The following HOGA1 variants were observed in gnomAD, a reference collection of about 807,000 sequenced individuals.
HOGA1 encodes 4-hydroxy-2-oxoglutarate aldolase 1.
Under a neutral mutation model 34.3 loss-of-function variants are expected in HOGA1, and 30 were observed. The ratio of observed to expected loss-of-function variants is 0.87; its 90% CI spans 0.65 to 1.19. HOGA1 has a LOEUF of 1.19. Among genes scored for constraint, HOGA1 ranks in the 50% most tolerant of loss-of-function variants. The pLI, the probability that HOGA1 is intolerant of heterozygous loss-of-function variation, is 0.00. For missense variants in HOGA1, 417 were observed against 436.5 expected, an observed-to-expected ratio of 0.96 and a Z score of 0.40; for synonymous variants, 161 against 174.0, an observed-to-expected ratio of 0.93 and a Z score of 0.59.
intron 6 of HOGA1, among the ~76,000 whole-genome samples, chr10:97,608,935 A>G (rs1030214334): frequency 6.6e-6 from 1 of 152,026 alleles, no homozygotes; most frequent in Non-Finnish European, 1.5e-5. Flanking sequence ...GGCACTCCAC[A>G]ATATTTTGTT....
intron 1 of HOGA1, chr10:97,591,038 C>T (rs564499059): frequency 1.8e-4 from 29 of 163,818 alleles, no homozygotes; most frequent in Non-Finnish European, 3.1e-4. Context: ...AAAAGGCCCC[C>T]GACCTGGGGC....
At chr10:97,590,313 G>A (rs142514598) in intron 1 of HOGA1, 32 of 1,613,670 alleles carry the variant, frequency 2.0e-5, no homozygotes, top group African/African-American at 5.3e-5. Context: ...ACCCAGGGGC[G>A]GCACCTGGCT....
intron 1 of HOGA1, among the ~76,000 whole-genome samples, chr10:97,596,227 T>C (rs1366019591): frequency 6.6e-6 from 1 of 152,184 alleles, no homozygotes; most frequent in Non-Finnish European, 1.5e-5. Context: ...GGCTGTGTCA[T>C]AGAAGCTTTG....
chr10:97,584,983 G>A (rs2040956682), intron 1 of HOGA1, 69 bp downstream of exon 1: 2 of 1,326,106 alleles, frequency 1.5e-6, no homozygotes, highest in South Asian at 1.2e-5. Context: ...ACCAAGGGAG[G>A]GTACACAGGC....
rs1250045292 is a variant in HOGA1, at chr10:97,611,998, A to G, written c.*339A>G. On this transcript the variant is annotated 3_prime_UTR_variant, in exon 7 of 7. Transcript: ENST00000370646. Reference sequence around the variant, plus strand: ...AGGAAGGGCAGAGGGGCAAGTAGGCACAGTAAGGGAATTTTCTTTTCTTTT... The same window carrying G: ...AGGAAGGGCAGAGGGGCAAGTAGGCGCAGTAAGGGAATTTTCTTTTCTTTT... 1.9e-5 allele frequency: 5 copies of G among 262,256 alleles called. No homozygotes were observed. Among genetic ancestry groups the G allele is most frequent in the Non-Finnish European group, 3.7e-5 (5 of 136,844 alleles). 16.2% of individuals were successfully genotyped at this position (262,256 alleles called of 1,614,324 possible).
At chr10:97,602,168 C>T (rs2041124470) in intron 6 of HOGA1, 178 bp downstream of exon 6, 3 of 1,548,464 alleles carry the variant, frequency 1.9e-6, no homozygotes, top group Non-Finnish European at 2.6e-6. Context: ...TGACTTCGGA[C>T]AAAGTCGAGC....
chr10:97,600,313 C>T (rs1010696394), intron 5 of HOGA1, 150 bp downstream of exon 5: 22 of 709,504 alleles, frequency 3.1e-5, no homozygotes, highest in Non-Finnish European at 4.6e-5. Flanking sequence ...AACCTGGCCA[C>T]GCCGCTTACC....
intron 1 of HOGA1, among the ~76,000 whole-genome samples, chr10:97,598,539 C>T (rs992108352): frequency 1.3e-5 from 2 of 152,058 alleles, no homozygotes; most frequent in African/African-American, 4.8e-5. Flanking sequence ...CCCAGAAGGT[C>T]GAAACTGCAG....
intron 1 of HOGA1, chr10:97,589,832 C>T: frequency 7.8e-7 from 1 of 1,287,266 alleles, no homozygotes; most frequent in Non-Finnish European, 1.1e-6. Flanking sequence ...CTTCTTGGAG[C>T]TCATCCAGCA....
chr10:97,584,765 A>G lies in HOGA1; in HGVS notation c.62A>G (p.Asn21Ser). The G allele has an allele frequency of 6.2e-7, 1 of 1,613,572 alleles. No homozygotes were observed. Among genetic ancestry groups the G allele is most frequent in the Non-Finnish European group, 8.5e-7 (1 of 1,179,746 alleles). The change falls in exon 1 of 7, where the codon AAT becomes AGT. Residue 21 changes from asparagine (N) to serine (S), a missense_variant. Physicochemically the swap from Asn to Ser is conservative, Grantham distance 46. Transcript: ENST00000370646. ...RQGLSRSLSR[N>S]VGVWASGEGK... ...GGGCTAAGCAGGAGCTTGTCCAGGAATGTGGGGGTCTGGGCCTCAGGGGAG... is the reference window on the plus strand; with the variant it reads ...GGGCTAAGCAGGAGCTTGTCCAGGAGTGTGGGGGTCTGGGCCTCAGGGGAG...
At chr10:97,597,482 T>G (rs1394660773) in intron 1 of HOGA1, among the ~76,000 whole-genome samples, 1 of 152,112 alleles carries the variant, frequency 6.6e-6, no homozygotes, top group East Asian at 1.9e-4. Flanking sequence ...CTGTAACTGG[T>G]ACAGGTATAC....
Position 97,611,572 on chromosome 10 carries a change from A to G in HOGA1, c.897A>G (p.Gly299=). ...KKIMDWFGYY[G]GPCRAPLQEL... The stretch of plus-strand genomic sequence containing the variant: ...TCATGGACTGGTTTGGCTACTATGG[A>G]GGCCCCTGCCGCGCCCCCTTGCAGG... Residue 299 remains glycine, a synonymous_variant, in exon 7 of 7, where the codon GGA becomes GGG. Transcript: ENST00000370646. The G allele has an allele frequency of 1.2e-6, 2 of 1,614,222 alleles. No individual in the cohort carries two copies. Among genetic ancestry groups the G allele is most frequent in the South Asian group, 1.1e-5 (1 of 91,084 alleles).
chr10:97,584,979 G>A, intron 1 of HOGA1, 65 bp downstream of exon 1: 1 of 1,384,890 alleles, frequency 7.2e-7, no homozygotes, highest in South Asian at 1.2e-5. Context: ...AGAGACCAAG[G>A]GAGGGTACAC....
chr10:97,589,983 C>T, intron 1 of HOGA1: 1 of 1,614,114 alleles, frequency 6.2e-7, no homozygotes, highest in Non-Finnish European at 8.5e-7. Context: ...TCCCATAAAG[C>T]AAAGAATGAA....
rs753648051 is a variant in HOGA1 at position 97,600,055 on chromosome 10, T to A, written c.604-12T>A. 2.4e-5 allele frequency: 38 copies of A among 1,612,794 alleles called. No individual in the cohort carries two copies. Among genetic ancestry groups the A allele is most frequent in the African/African-American group, 4.0e-5 (3 of 74,872 alleles). On this transcript the variant is annotated splice_polypyrimidine_tract_variant and intron_variant, in intron 4 of 6. Transcript: ENST00000370646. ...TCTGGGCACAGCTCTCACACCACAT[T>A]TGCTGTTGCAGGTGACCAGGATTGG...
Position 97,584,537 on chromosome 10 carries a change from C to T in HOGA1, c.-167C>T, listed in dbSNP as rs976862353. ...GGCCCCCTGGGGCCTATAGGCCTTG[C>T]CCCTGACCCTGGGAACACCCAGCTC... On this transcript the variant is annotated 5_prime_UTR_variant, in exon 1 of 7. Coordinates refer to ENST00000370646, the MANE Select transcript of HOGA1 (RefSeq NM_138413.4). 6.1e-6 allele frequency: 4 copies of T among 652,238 alleles called. No individual in the cohort carries two copies. The highest frequency in any genetic ancestry group is 5.4e-5 in the African/African-American group (3 of 55,382). The allele number at this position is 652,238 out of a possible 1,614,324, so 40.4% of individuals were successfully genotyped here.
At chr10:97,609,463 T>TTCA (rs2135728566) in intron 6 of HOGA1, among the ~76,000 whole-genome samples, 1 of 152,254 alleles carries the variant, frequency 6.6e-6, no homozygotes, top group African/African-American at 2.4e-5. Flanking sequence ...TGCCTCACCC[T>TTCA]TCATTCTGTG....
Position 97,611,732 on chromosome 10 carries a change from A to G in HOGA1, c.*73A>G. 4.6e-6 allele frequency: 7 copies of G among 1,530,802 alleles called. No homozygotes were observed. Among genetic ancestry groups the G allele is most frequent in the South Asian group, 1.2e-5 (1 of 85,794 alleles). The allele number at this position is 1,530,802 out of a possible 1,614,324, so 94.8% of individuals were successfully genotyped here. On this transcript the variant is annotated 3_prime_UTR_variant, in exon 7 of 7. Coordinates refer to ENST00000370646, the MANE Select transcript of HOGA1 (RefSeq NM_138413.4). ...CTTGCACTTGCAGCCTGAAGCGGAG[A>G]GCACAGGGGGATGAGGGTGGCAGGC... is the stretch of plus-strand genomic sequence containing the variant.
At chr10:97,601,559 C>A (rs1184486969) in intron 5 of HOGA1, among the ~76,000 whole-genome samples, 2 of 152,164 alleles carry the variant, frequency 1.3e-5, no homozygotes, top group Non-Finnish European at 2.9e-5. Flanking sequence ...GGATTTTATT[C>A]CGGGAGGGGT....
Sources: allele counts gnomAD v4.1 joint callset (sites outside exome capture counted in the v4.1 genomes callset), GRCh38; gene constraint gnomAD v4.1.1; transcripts MANE v1.5; gene names NCBI Gene and HGNC (gene_info 2026-07-23, HGNC 2026-07-21).